Variants in CHN2 observed in about 807,000 individuals in gnomAD.
The protein encoded by CHN2 is beta-chimaerin.
CHN2 carries 35 observed loss-of-function variants against 56.3 expected under a neutral mutation model. That is an observed-to-expected ratio of 0.62 (90% CI 0.47 to 0.82). CHN2 has a LOEUF of 0.82. CHN2 is among the 40% of genes least tolerant of loss of function. CHN2 has a pLI of 0.00. For synonymous variants in CHN2, 210 were observed against 212.8 expected (o/e 0.99, Z 0.12); for missense variants, 491 against 580.5 (o/e 0.85, Z 1.58).
At chr7:29,315,741 C>G (rs951909837) in intron 1 of CHN2, among the ~76,000 whole-genome samples, 1 of 151,858 alleles carries the variant, frequency 6.6e-6, no homozygotes, top group African/African-American at 2.4e-5. Flanking sequence ...CTAGGTGATT[C>G]AGCAGTGAAT....
At chr7:29,187,296 A>G (rs1156343695) in intron 2 of CHN2, among the ~76,000 whole-genome samples, 2 of 152,040 alleles carry the variant, frequency 1.3e-5, no homozygotes, top group Non-Finnish European at 2.9e-5. Flanking sequence ...GGGTGGGGAA[A>G]TGTCCAGATG....
At position 29,358,031 on chromosome 7, in the gene CHN2, T is replaced by A. The variant is rs1798438948; in HGVS notation, c.88+3368T>A. 1.3e-5 allele frequency among the ~76,000 whole-genome samples: 2 copies of A among 152,238 alleles called. 1 individual carries two copies. The highest frequency in any genetic ancestry group is 4.1e-4 in the South Asian group (2 of 4,836). On this transcript the variant is annotated intron_variant, in intron 2 of 12. Coordinates refer to ENST00000222792, the MANE Select transcript of CHN2 (RefSeq NM_004067.4). The stretch of plus-strand genomic sequence containing the variant: ...TTTAAACTCTAGCAATTTTCGGTAC[T>A]ATCAATTCTCTCATATATTTACTAG...
intron 6 of CHN2, among the ~76,000 whole-genome samples, chr7:29,410,614 G>A (rs118097405): frequency 0.045 from 6,778 of 152,108 alleles, 175 homozygotes; most frequent in Middle Eastern, 0.075. Flanking sequence ...TGTTGAGTAT[G>A]GGATGTGAGA....
chr7:29,214,011 C>A (rs1024943937), intron 1 of CHN2, among the ~76,000 whole-genome samples: 2 of 152,172 alleles, frequency 1.3e-5, no homozygotes, highest in African/African-American at 4.8e-5. Flanking sequence ...CACAAGTGAC[C>A]TTAATGAAAT....
At chr7:29,268,063 A>G (rs113098958) in intron 1 of CHN2, among the ~76,000 whole-genome samples, 7 of 152,134 alleles carry the variant, frequency 4.6e-5, no homozygotes, top group Admixed American at 2.0e-4. Context: ...TTTTTCCTAT[A>G]TATGTGTTAG....
chr7:29,178,983 C>T (rs1415134566), intron 2 of CHN2, among the ~76,000 whole-genome samples: 1 of 152,146 alleles, frequency 6.6e-6, no homozygotes, highest in Non-Finnish European at 1.5e-5. Flanking sequence ...CAGAGCTAAC[C>T]AGCATTTGCA....
chr7:29,253,940 T>C (rs1254152913), intron 1 of CHN2, among the ~76,000 whole-genome samples: 3 of 152,230 alleles, frequency 2.0e-5, no homozygotes, highest in African/African-American at 7.2e-5. Context: ...AGTCTTGCTC[T>C]GTCGCCCAGG....
chr7:29,253,764 G>A (rs1253901434), intron 1 of CHN2, among the ~76,000 whole-genome samples: 1 of 152,188 alleles, frequency 6.6e-6, no homozygotes, highest in East Asian at 1.9e-4. Flanking sequence ...TCATGGGCAA[G>A]CTATTTATCC....
chr7:29,312,284 C>T (rs1356008902), intron 1 of CHN2, among the ~76,000 whole-genome samples: 1 of 152,182 alleles, frequency 6.6e-6, no homozygotes, highest in African/African-American at 2.4e-5. Context: ...ATCTCAATCC[C>T]TCCTGCTTCT....
intron 1 of CHN2, among the ~76,000 whole-genome samples, chr7:29,234,033 C>T (rs1382173653): frequency 6.6e-6 from 1 of 150,472 alleles, no homozygotes; most frequent in Non-Finnish European, 1.5e-5. Flanking sequence ...CGGGGTTTCA[C>T]CGTTTTAGCC....
intron 1 of CHN2, among the ~76,000 whole-genome samples, chr7:29,274,635 C>T (rs1223049882): frequency 1.3e-5 from 2 of 150,106 alleles, no homozygotes; most frequent in Admixed American, 6.7e-5. Context: ...AGTCTATGCC[C>T]GCTGGAGAGA....
At chr7:29,323,648 G>A (rs1795543741) in intron 1 of CHN2, among the ~76,000 whole-genome samples, 1 of 152,080 alleles carries the variant, frequency 6.6e-6, no homozygotes, top group African/African-American at 2.4e-5. Flanking sequence ...GGCAGTTTAG[G>A]GGGAAGGGTG....
chr7:29,272,307 C>T (rs934655353), intron 1 of CHN2, among the ~76,000 whole-genome samples: 1 of 152,106 alleles, frequency 6.6e-6, no homozygotes, highest in East Asian at 1.9e-4. Context: ...ATGGTCCAGG[C>T]GGAAATGACA....
chr7:29,306,901 C>A (rs972319630), intron 1 of CHN2, among the ~76,000 whole-genome samples: 7 of 152,182 alleles, frequency 4.6e-5, no homozygotes, highest in Non-Finnish European at 1.0e-4. Context: ...GTGTTTCCAT[C>A]CAGTGGTGTG....
Position 29,194,800 on chromosome 7 carries a change from T to G in CHN2, c.-142T>G. ...GGTGGAGCAGGAAGTGCAGGCAGAG[T>G]CCGGAGGCTGGTGCTTTCTGCGCGT... On this transcript the variant is annotated 5_prime_UTR_variant, in exon 1 of 13. Coordinates refer to ENST00000222792, the MANE Select transcript of CHN2 (RefSeq NM_004067.4). 1 of 622,846 alleles carries G rather than the reference T, an allele frequency of 1.6e-6. No homozygotes were observed. The highest frequency in any genetic ancestry group is 2.4e-6 in the Non-Finnish European group (1 of 413,856). The allele number at this position is 622,846 out of a possible 1,614,324, so 38.6% of individuals were successfully genotyped here. A position where few individuals can be genotyped will look rare whatever the true frequency, so the allele number is the denominator to read the frequency against.
chr7:29,425,744 T>C (rs1804798768), intron 6 of CHN2, among the ~76,000 whole-genome samples: 1 of 152,104 alleles, frequency 6.6e-6, no homozygotes, highest in Admixed American at 6.5e-5. Flanking sequence ...AAAAATAAAT[T>C]ATTATATTGA....
At chr7:29,375,528 G>T (rs1201523092) in intron 3 of CHN2, among the ~76,000 whole-genome samples, 1 of 152,112 alleles carries the variant, frequency 6.6e-6, no homozygotes, top group Admixed American at 6.5e-5. Context: ...ACTTGAAAAG[G>T]TATATTCCCT....
intron 2 of CHN2, among the ~76,000 whole-genome samples, chr7:29,166,988 T>G (rs375331260): frequency 6.6e-6 from 1 of 152,264 alleles, no homozygotes; most frequent in South Asian, 2.1e-4. Flanking sequence ...TTCTATGCTT[T>G]TTTGCATGCA....
At chr7:29,163,590 CTAAATA>C (rs1795499785) in intron 2 of CHN2, among the ~76,000 whole-genome samples, 1 of 151,944 alleles carries the variant, frequency 6.6e-6, no homozygotes, top group Non-Finnish European at 1.5e-5. Context: ...ATACAATAAG[CTAAATA>C]TAAAGTATAC....
Sources: allele counts gnomAD v4.1 joint callset (sites outside exome capture counted in the v4.1 genomes callset), GRCh38; gene constraint gnomAD v4.1.1; transcripts MANE v1.5; gene names NCBI Gene and HGNC (gene_info 2026-07-23, HGNC 2026-07-21).